NELL1: variants seen among roughly 807,000 people sequenced by gnomAD.
NELL1 encodes neural EGFL like 1, also known as protein kinase C-binding protein NELL1.
In NELL1, 76 loss-of-function variants were observed where a neutral mutation model predicts 107.4. The ratio of observed to expected loss-of-function variants is 0.71; its 90% CI spans 0.59 to 0.86. The LOEUF (loss-of-function observed/expected upper bound fraction) is 0.86. Ranked by LOEUF, NELL1 falls within the 40% of genes least tolerant of loss-of-function variation. The probability of loss-of-function intolerance (pLI) is 0.00; values close to 1 mark genes in which losing one functional copy is unlikely to be tolerated. For missense variants in NELL1, 1,024 were observed against 1,005.5 expected (o/e 1.02, Z -0.25); for synonymous variants, 353 against 341.2 (o/e 1.03, Z -0.38).
At chr11:20,975,917 A>T (rs550587195) in intron 12 of NELL1, among the ~76,000 whole-genome samples, 10,214 of 107,192 alleles carry the variant, frequency 0.095, 718 homozygotes, top group East Asian at 0.29. Context: ...TATTATATAA[A>T]CACACATATA....
At chr11:21,023,512 C>T (rs1430239433) in intron 12 of NELL1, among the ~76,000 whole-genome samples, 20 of 152,080 alleles carry the variant, frequency 1.3e-4, no homozygotes, top group South Asian at 2.1e-4. Flanking sequence ...CTTATATTTT[C>T]TAAATATTCT....
At chr11:20,791,770 A>G (rs942736276) in intron 3 of NELL1, among the ~76,000 whole-genome samples, 1 of 137,066 alleles carries the variant, frequency 7.3e-6, no homozygotes, top group African/African-American at 2.7e-5. Context: ...GTTCTTTATC[A>G]TATTGGAGAA....
chr11:20,961,101 A>T (rs770813491), intron 12 of NELL1, among the ~76,000 whole-genome samples: 28 of 152,164 alleles, frequency 1.8e-4, no homozygotes, highest in Non-Finnish European at 3.2e-4. Context: ...TAACTTTGGC[A>T]CATGGGCTGA....
intron 4 of NELL1, among the ~76,000 whole-genome samples, chr11:20,861,902 A>C (rs1848985988): frequency 6.6e-6 from 1 of 152,228 alleles, no homozygotes; most frequent in Non-Finnish European, 1.5e-5. Context: ...TACCTCCCTC[A>C]AGTGATTGTG....
At chr11:20,893,963 T>C (rs1375406922) in intron 5 of NELL1, among the ~76,000 whole-genome samples, 1 of 152,050 alleles carries the variant, frequency 6.6e-6, no homozygotes, top group Non-Finnish European at 1.5e-5. Context: ...TAATAAGCTA[T>C]TTTAAAGATG....
At chr11:20,731,422 T>TGGAG (rs71443761) in intron 2 of NELL1, among the ~76,000 whole-genome samples, 17,042 of 152,212 alleles carry the variant, frequency 0.11, 1,094 homozygotes, top group Non-Finnish European at 0.15. Context: ...AATAAAGAAC[T>TGGAG]GGAGCTAGGT....
chr11:20,767,104 C>T (rs1013266153), intron 2 of NELL1, among the ~76,000 whole-genome samples: 3 of 152,072 alleles, frequency 2.0e-5, no homozygotes, highest in African/African-American at 7.2e-5. Flanking sequence ...AGCCACTGTC[C>T]TGGTGTGTCT....
chr11:21,109,678 A>T (rs946434669), intron 12 of NELL1, among the ~76,000 whole-genome samples: 6 of 152,078 alleles, frequency 3.9e-5, no homozygotes, highest in Non-Finnish European at 7.4e-5. Flanking sequence ...TTTGTTTTGT[A>T]ATTATTCAAT....
intron 14 of NELL1, among the ~76,000 whole-genome samples, chr11:21,302,519 A>G (rs941432246): frequency 1.3e-5 from 2 of 152,018 alleles, no homozygotes; most frequent in Non-Finnish European, 2.9e-5. Context: ...AAAAGAATCT[A>G]CATGAAAGGT....
At chr11:21,187,150 G>A (rs1470686699) in intron 13 of NELL1, among the ~76,000 whole-genome samples, 3 of 151,822 alleles carry the variant, frequency 2.0e-5, no homozygotes, top group South Asian at 2.1e-4. Context: ...GATAAGAGAA[G>A]TTTGAAATAA....
intron 16 of NELL1, among the ~76,000 whole-genome samples, chr11:21,544,602 C>T (rs1185933731): frequency 6.6e-6 from 1 of 151,848 alleles, no homozygotes; most frequent in African/African-American, 2.4e-5. Flanking sequence ...CTTCTAAGAG[C>T]TTGACATTTC....
At position 21,483,026 on chromosome 11, in the gene NELL1, C is replaced by G. The variant is rs140136770; in HGVS notation, c.1646-51348C>G. On this transcript the variant is annotated intron_variant, in intron 15 of 19. Coordinates refer to ENST00000357134, the MANE Select transcript of NELL1 (RefSeq NM_006157.5). ...TTTTTGAGACATAGTCTTGCTCTGTCGCCCAGGCTGGAGTGCGGTGGAGTG... is the reference window on the plus strand; with the variant it reads ...TTTTTGAGACATAGTCTTGCTCTGTGGCCCAGGCTGGAGTGCGGTGGAGTG... Among the ~76,000 whole-genome samples, 2 of 151,528 alleles carry G rather than the reference C, an allele frequency of 1.3e-5. 1 individual carries two copies. Among genetic ancestry groups the G allele is most frequent in the Non-Finnish European group, 2.9e-5 (2 of 67,912 alleles).
At chr11:20,786,125 C>T (rs557646300) in intron 3 of NELL1, among the ~76,000 whole-genome samples, 58 of 149,780 alleles carry the variant, frequency 3.9e-4, no homozygotes, top group African/African-American at 1.3e-3. Flanking sequence ...CCAAGAAGGG[C>T]GGATCACCTG....
intron 3 of NELL1, among the ~76,000 whole-genome samples, chr11:20,791,109 A>G (rs1857065160): frequency 6.6e-6 from 1 of 152,332 alleles, no homozygotes; most frequent in Non-Finnish European, 1.5e-5. Context: ...GTTTCCGCAA[A>G]TAAGTCAGTT....
At position 20,826,963 on chromosome 11, in the gene NELL1, AG is replaced by A. The variant is rs1284614763; in HGVS notation, c.336-20619del. ...ATATGCGATAACACATTCACCCAGA[AG>A]ACCTGAGTGTCAGATCTGGCTCTAT... On this transcript the variant is annotated intron_variant, in intron 3 of 19. Coordinates refer to ENST00000357134, the MANE Select transcript of NELL1 (RefSeq NM_006157.5). Among the ~76,000 whole-genome samples, 3 of 151,324 alleles carry A rather than the reference AG, an allele frequency of 2.0e-5. No homozygotes were observed. The Admixed American group carries it at 2.0e-4, about 10-fold the overall frequency.
At chr11:20,723,160 C>A (rs1590234340) in intron 2 of NELL1, among the ~76,000 whole-genome samples, 1 of 152,120 alleles carries the variant, frequency 6.6e-6, no homozygotes, top group South Asian at 2.1e-4. Context: ...CTGCCCCTGG[C>A]CCCTCCCAAA....
At chr11:21,544,910 A>G (rs895026225) in intron 16 of NELL1, among the ~76,000 whole-genome samples, 1 of 151,922 alleles carries the variant, frequency 6.6e-6, no homozygotes, top group Non-Finnish European at 1.5e-5. Context: ...TCTGTGGCAA[A>G]AAATGATTGC....
intron 14 of NELL1, among the ~76,000 whole-genome samples, chr11:21,271,418 C>A (rs1590790575): frequency 6.6e-6 from 1 of 152,140 alleles, no homozygotes; most frequent in Non-Finnish European, 1.5e-5. Context: ...AAAGATAATT[C>A]TCACAGAAGA....
chr11:21,231,472 G>A (rs1858048637), intron 14 of NELL1, among the ~76,000 whole-genome samples: 1 of 152,086 alleles, frequency 6.6e-6, no homozygotes, highest in South Asian at 2.1e-4. Context: ...GCAAAACAAG[G>A]AAACAAAAAC....
Sources: gnomAD v4.1 joint callset for allele counts (sites outside exome capture counted in the v4.1 genomes callset) on GRCh38, gnomAD v4.1.1 for gene constraint, MANE v1.5 for transcripts, NCBI Gene and HGNC (gene_info 2026-07-23, HGNC 2026-07-21) for gene names.